Variants in CNTN2 observed in about 807,000 individuals in gnomAD.
CNTN2 encodes contactin 2.
CNTN2 carries 53 observed loss-of-function variants against 117.5 expected under a neutral mutation model. That is an observed-to-expected ratio of 0.45 (90% CI 0.36 to 0.57). The LOEUF (loss-of-function observed/expected upper bound fraction) is 0.57, where lower values mean the gene tolerates loss of function less well. Among genes scored for constraint, CNTN2 ranks in the 20% least tolerant of loss-of-function variants. The pLI is 0.00. For synonymous variants in CNTN2, 530 were observed against 561.7 expected, an observed-to-expected ratio of 0.94 and a Z score of 0.80; for missense variants, 1,106 against 1,404.3, an observed-to-expected ratio of 0.79 and a Z score of 3.39.
At chr1:205,066,089 T>C (rs777362005) in intron 14 of CNTN2, 180 bp downstream of exon 14, 3 of 763,050 alleles carry the variant, frequency 3.9e-6, no homozygotes, top group Non-Finnish European at 6.2e-6. Flanking sequence ...GATCAGGACA[T>C]TTTTCTTCCA....
chr1:205,065,722 T>TCGTGGCCTGCTG lies in CNTN2; in HGVS notation c.1696-66_1696-65insGTGGCCTGCTGC. The TCGTGGCCTGCTG allele has an allele frequency of 1.8e-6, 1 of 564,976 alleles. No homozygotes were observed. Among genetic ancestry groups the TCGTGGCCTGCTG allele is most frequent in the Non-Finnish European group, 3.2e-6 (1 of 312,930 alleles). 35.0% of individuals were successfully genotyped at this position (564,976 alleles called of 1,614,324 possible). Reference sequence around the variant, plus strand: ...GGACTCCCAAGCGCTGCCTCATGTCTCATGGCCTGCTGCACTGGTCAGGGC... The same window carrying TCGTGGCCTGCTG: ...GGACTCCCAAGCGCTGCCTCATGTCTCGTGGCCTGCTGCATGGCCTGCTGCACTGGTCAGGGC... On this transcript the variant is annotated intron_variant, in intron 13 of 22. Coordinates refer to ENST00000331830, the MANE Select transcript of CNTN2 (RefSeq NM_005076.5). The surrounding 1 kb of genome is among the most constrained non-coding windows in gnomAD (Gnocchi z 4.1).
chr1:205,058,220 T>C lies in CNTN2; in HGVS notation c.255T>C (p.Gly85=). Residue 85 remains glycine (G), a synonymous_variant, in exon 4 of 23, where the codon GGT becomes GGC. Transcript: ENST00000331830. The surrounding 1 kb of genome is among the most constrained non-coding windows in gnomAD (Gnocchi z 4.3). The part of the protein sequence containing the change: ...MNGTEMKLEP[G]SRHQLVGGNL... ...GTACCGAGATGAAGCTGGAGCCAGGTTCCCGTCACCAGCTGGTGGGGGGCA... is the reference window on the plus strand; with the variant it reads ...GTACCGAGATGAAGCTGGAGCCAGGCTCCCGTCACCAGCTGGTGGGGGGCA... 1 of 1,575,276 alleles carries C rather than the reference T, an allele frequency of 6.3e-7. No individual in the cohort carries two copies. Among genetic ancestry groups the C allele is most frequent in the Non-Finnish European group, 8.6e-7 (1 of 1,160,864 alleles).
rs2229867 is a variant in CNTN2 at position 205,059,589 on chromosome 1, G to A, written c.704G>A (p.Arg235Gln). 79 of 1,613,982 alleles carry A rather than the reference G, an allele frequency of 4.9e-5. 1 individual carries two copies. In the East Asian group the frequency reaches 6.2e-4, roughly 13 times the overall value. ...TAAAACCCTCTCTCCCCAGATACCC[G>A]GCTCTTTGCACCCAGCATCAAGGCC... Reference protein sequence around the residue: ...AQLNLAAEDTRLFAPSIKARF... With the variant: ...AQLNLAAEDTQLFAPSIKARF... The change falls in exon 7 of 23, where the codon CGG becomes CAG. Residue 235 changes from arginine to glutamine, a missense_variant. Arg to Gln is a conservative substitution (Grantham distance 43). Coordinates refer to ENST00000331830, the MANE Select transcript of CNTN2 (RefSeq NM_005076.5). This position sits in a 1 kb window ranked among gnomAD's most constrained non-coding sequence, Gnocchi z 5.6.
At position 205,059,719 on chromosome 1, in the gene CNTN2, T is replaced by C; in HGVS notation, c.797+37T>C. ...GAGGGAGGGGAAGCAGAGCACGGTC[T>C]CTCGGGGGCACAGGTGACCCCAGGG... On this transcript the variant is annotated intron_variant, in intron 7 of 22. Transcript: ENST00000331830. This position sits in a 1 kb window ranked among gnomAD's most constrained non-coding sequence, Gnocchi z 5.6. The C allele has an allele frequency of 6.3e-7, 1 of 1,580,940 alleles. No homozygotes were observed. The highest frequency in any genetic ancestry group is 8.7e-7 in the Non-Finnish European group (1 of 1,150,516).
rs140395973 is a variant in CNTN2, at chr1:205,058,042, G to A, written c.192G>A (p.Arg64=). 1.2e-6 allele frequency: 2 copies of A among 1,613,490 alleles called. No homozygotes were observed. Among genetic ancestry groups the A allele is most frequent in the East Asian group, 4.5e-5 (2 of 44,884 alleles). The part of the protein sequence containing the change: ...EEQVLLACRA[R]ASPPATYRWK... Reference sequence around the variant, plus strand: ...AGGTGTTGCTGGCATGCCGCGCCCGGGCCAGCCCTCCAGCCACCTATCGGT... The same window carrying A: ...AGGTGTTGCTGGCATGCCGCGCCCGAGCCAGCCCTCCAGCCACCTATCGGT... The change falls in exon 3 of 23, where the codon CGG becomes CGA. Residue 64 remains arginine (R), a synonymous_variant. Coordinates refer to ENST00000331830, the MANE Select transcript of CNTN2 (RefSeq NM_005076.5). This position sits in a 1 kb window ranked among gnomAD's most constrained non-coding sequence, Gnocchi z 4.3.
intron 19 of CNTN2, among the ~76,000 whole-genome samples, chr1:205,071,366 C>G (rs1654586290): frequency 6.6e-6 from 1 of 152,170 alleles, no homozygotes; most frequent in Non-Finnish European, 1.5e-5. Context: ...CAAGAAGAAA[C>G]CATCAAGCTG....
intron 16 of CNTN2, 123 bp downstream of exon 16, chr1:205,067,373 T>A: frequency 8.1e-7 from 1 of 1,234,198 alleles, no homozygotes; most frequent in Non-Finnish European, 1.1e-6. Context: ...GTTCAGACTC[T>A]CACAAAACAG....
At chr1:205,055,020 GT>G (rs887524583) in intron 2 of CNTN2, among the ~76,000 whole-genome samples, 3 of 151,868 alleles carry the variant, frequency 2.0e-5, no homozygotes, top group East Asian at 1.9e-4. Context: ...TGCGGGTTTT[GT>G]TTTTGTTTTT....
chr1:205,061,216 A>C lies in CNTN2; in HGVS notation c.798-29A>C. On this transcript the variant is annotated intron_variant, in intron 7 of 22. Transcript: ENST00000331830. The surrounding 1 kb of genome is among the most constrained non-coding windows in gnomAD (Gnocchi z 4.8). ...TGGAGGGGTAGGCCCAGCTCAGCCCACACCCTCTGGCTTTGTCTCTCCTGC... is the reference window on the plus strand; with the variant it reads ...TGGAGGGGTAGGCCCAGCTCAGCCCCCACCCTCTGGCTTTGTCTCTCCTGC... 1.3e-6 allele frequency: 2 copies of C among 1,584,904 alleles called. No individual in the cohort carries two copies. The highest frequency in any genetic ancestry group is 1.7e-6 in the Non-Finnish European group (2 of 1,161,464).
rs545256650 is a variant in CNTN2 at position 205,061,892 on chromosome 1, C to T, written c.1001C>T (p.Ser334Leu). 79 of 1,574,790 alleles carry T rather than the reference C, an allele frequency of 5.0e-5. No homozygotes were observed. In the South Asian group the frequency reaches 7.4e-4, roughly 15 times the overall value. ...QAQPEWLKVI[S>L]DTEADIGSNL... ...CAGCCTGAGTGGCTAAAAGTGATCT[C>T]GGACACAGAGGCTGACATTGGCTCC... The change falls in exon 9 of 23, where the codon TCG becomes TTG. Residue 334 changes from serine (S) to leucine (L), a missense_variant. Transcript: ENST00000331830. The surrounding 1 kb of genome is among the most constrained non-coding windows in gnomAD (Gnocchi z 4.8).
At chr1:205,054,877 T>C (rs1363871023) in intron 2 of CNTN2, among the ~76,000 whole-genome samples, 2 of 152,104 alleles carry the variant, frequency 1.3e-5, no homozygotes, top group Non-Finnish European at 2.9e-5. Context: ...CTCTGCAAGG[T>C]TTCTGACGCC....
chr1:205,066,955 T>C, intron 15 of CNTN2, 146 bp from the exon 16 acceptor site: 2 of 1,043,708 alleles, frequency 1.9e-6, no homozygotes, highest in Non-Finnish European at 2.7e-6. Flanking sequence ...TTTTCAATCA[T>C]TTCTGAAAAA....
rs371095006 is a variant in CNTN2 at position 205,058,687 on chromosome 1, G to T, written c.487+24G>T. On this transcript the variant is annotated intron_variant, in intron 5 of 22. Coordinates refer to ENST00000331830, the MANE Select transcript of CNTN2 (RefSeq NM_005076.5). The surrounding 1 kb of genome is among the most constrained non-coding windows in gnomAD (Gnocchi z 4.3). Reference sequence around the variant, plus strand: ...AGGTGAGTCCAGACCTGGGGCCAGGGTTAGAGAGGGCACAGGAAGGGCTTC... The same window carrying T: ...AGGTGAGTCCAGACCTGGGGCCAGGTTTAGAGAGGGCACAGGAAGGGCTTC... The T allele has an allele frequency of 1.5e-4, 242 of 1,580,226 alleles. No homozygotes were observed. The highest frequency in any genetic ancestry group is 1.9e-4 in the Non-Finnish European group (214 of 1,152,858).
At chr1:205,070,106 T>A in intron 18 of CNTN2, 45 bp downstream of exon 18, 5 of 1,580,640 alleles carry the variant, frequency 3.2e-6, no homozygotes, top group Non-Finnish European at 4.3e-6. Context: ...CCCAGCCACT[T>A]GTCCACAGGG....
chr1:205,062,635 G>A, intron 10 of CNTN2, 66 bp downstream of exon 10: 1 of 1,547,834 alleles, frequency 6.5e-7, no homozygotes, highest in South Asian at 1.2e-5. Context: ...AGAGCTCTGA[G>A]TTTAGGTGTT....
intron 19 of CNTN2, among the ~76,000 whole-genome samples, 156 bp from the exon 20 acceptor site, chr1:205,071,791 C>G (rs1183131833): frequency 6.6e-6 from 1 of 152,168 alleles, no homozygotes; most frequent in Non-Finnish European, 1.5e-5. Context: ...CATGGCCCTG[C>G]TGTCTGGGTG....
Position 205,058,497 on chromosome 1 carries a change from G to T in CNTN2, c.392-71G>T, listed in dbSNP as rs768539409. 2.5e-6 allele frequency: 4 copies of T among 1,573,808 alleles called. No individual in the cohort carries two copies. Among genetic ancestry groups the T allele is most frequent in the South Asian group, 2.2e-5 (2 of 89,554 alleles). ...TGCCTTAGTGAACTGCTGCTTCTCC[G>T]TGAAGGATGAGTCGGGGAGGGGCTC... On this transcript the variant is annotated intron_variant, in intron 4 of 22. Transcript: ENST00000331830. This position sits in a 1 kb window ranked among gnomAD's most constrained non-coding sequence, Gnocchi z 4.3.
At position 205,066,104 on chromosome 1, in the gene CNTN2, C is replaced by CA. The variant is rs1162415183; in HGVS notation, c.1816+198dup. The CA allele has an allele frequency of 4.1e-6, 3 of 734,852 alleles. No individual in the cohort carries two copies. In the African/African-American group the frequency reaches 5.4e-5, roughly 13 times the overall value. 45.5% of individuals were successfully genotyped at this position (734,852 alleles called of 1,614,324 possible). A position where few individuals can be genotyped will look rare whatever the true frequency, so the allele number is the denominator to read the frequency against. The stretch of plus-strand genomic sequence containing the variant: ...GATCAGGACATTTTTCTTCCAAAGT[C>CA]AAAGTTTAAAAAATCCACTCCTAAA... On this transcript the variant is annotated intron_variant, in intron 14 of 22. Coordinates refer to ENST00000331830, the MANE Select transcript of CNTN2 (RefSeq NM_005076.5).
rs1208931661 is a variant in CNTN2 at position 205,074,096 on chromosome 1, G to C, written c.*331G>C. On this transcript the variant is annotated 3_prime_UTR_variant, in exon 23 of 23. Transcript: ENST00000331830. ...TTAAAAACATGTCTTCAACTCAGCA[G>C]AGATGGCCCTCTGGGACCCTATACG... is the stretch of plus-strand genomic sequence containing the variant. 3.6e-6 allele frequency: 2 copies of C among 559,676 alleles called. No individual in the cohort carries two copies. The highest frequency in any genetic ancestry group is 3.7e-5 in the African/African-American group (2 of 53,592). The allele number at this position is 559,676 out of a possible 1,614,324, so 34.7% of individuals were successfully genotyped here. A position where few individuals can be genotyped will look rare whatever the true frequency, so the allele number is the denominator to read the frequency against.
Sources: gnomAD v4.1 joint callset for allele counts (sites outside exome capture counted in the v4.1 genomes callset) on GRCh38, gnomAD v4.1.1 for gene constraint, Gnocchi (gnomAD v3.1) non-coding constraint, MANE v1.5 for transcripts, NCBI Gene and HGNC (gene_info 2026-07-23, HGNC 2026-07-21) for gene names.